Variants in LRRC4C observed in about 807,000 individuals in gnomAD.
LRRC4C encodes the protein leucine rich repeat containing 4C.
Under a neutral mutation model 33.6 loss-of-function variants are expected in LRRC4C, and 5 were observed. That is an observed-to-expected ratio of 0.15 (90% confidence interval 0.08 to 0.31). The LOEUF is 0.31. Among genes scored for constraint, LRRC4C ranks in the 10% least tolerant of loss-of-function variants. The pLI, the probability that LRRC4C is intolerant of heterozygous loss-of-function variation, is 1.00. For synonymous variants in LRRC4C, 329 were observed against 302.0 expected (o/e 1.09, Z -0.93); for missense variants, 560 against 796.7 (o/e 0.70, Z 3.58).
chr11:41,224,532 T>C (rs993801974), intron 1 of LRRC4C, among the ~76,000 whole-genome samples: 5 of 152,194 alleles, frequency 3.3e-5, no homozygotes, highest in African/African-American at 1.2e-4. Context: ...TTTGAATTCC[T>C]AAGGAAGTCA....
In LRRC4C at chr11:40,179,908, C is replaced by CGT. The variant is rs1334942118; in HGVS notation, c.-95-39057_-95-39056dup. Among the ~76,000 whole-genome samples, 17 of 152,200 alleles carry CGT rather than the reference C, an allele frequency of 1.1e-4. No individual in the cohort carries two copies. The East Asian group carries it at 2.9e-3, about 26-fold the overall frequency. ...TCTCCTTTCTGTCTCTCCCCATGTACGTGTGTGTGTGTCCAAACATATGTG... is the reference window on the plus strand; with the variant it reads ...TCTCCTTTCTGTCTCTCCCCATGTACGTGTGTGTGTGTGTCCAAACATATGTG... On this transcript the variant is annotated intron_variant, in intron 5 of 6. Coordinates refer to ENST00000528697, the MANE Select transcript of LRRC4C (RefSeq NM_001258419.2).
chr11:40,435,310 T>C (rs903372774), intron 3 of LRRC4C, among the ~76,000 whole-genome samples: 6 of 152,212 alleles, frequency 3.9e-5, no homozygotes, highest in East Asian at 1.9e-4. Context: ...TAAACTGTTA[T>C]AGCGCCAAAC....
At chr11:41,456,154 A>G (rs936682841) in intron 1 of LRRC4C, among the ~76,000 whole-genome samples, 1 of 152,082 alleles carries the variant, frequency 6.6e-6, no homozygotes, top group Non-Finnish European at 1.5e-5. Flanking sequence ...TTCTTCCAAG[A>G]TCCTTCATTT....
At chr11:41,301,739 G>A (rs1427405028) in intron 1 of LRRC4C, among the ~76,000 whole-genome samples, 1 of 152,106 alleles carries the variant, frequency 6.6e-6, no homozygotes, top group Non-Finnish European at 1.5e-5. Context: ...TTCATCAGAG[G>A]AGAGAGTTTT....
intron 4 of LRRC4C, among the ~76,000 whole-genome samples, chr11:40,249,086 T>C (rs2034636): frequency 0.86 from 131,427 of 152,202 alleles, 57,581 homozygotes; most frequent in South Asian, 0.97. Flanking sequence ...GCCTGTCATC[T>C]CAGCACTTTG....
At chr11:40,828,121 T>A (rs1357665796) in intron 2 of LRRC4C, among the ~76,000 whole-genome samples, 1 of 149,340 alleles carries the variant, frequency 6.7e-6, no homozygotes, top group Non-Finnish European at 1.5e-5. Flanking sequence ...ACGATATGTA[T>A]ACTGCCCTTT....
chr11:40,670,385 C>T (rs956955977), intron 2 of LRRC4C, among the ~76,000 whole-genome samples: 2 of 152,148 alleles, frequency 1.3e-5, no homozygotes, highest in Non-Finnish European at 2.9e-5. Flanking sequence ...TTTAAAATGT[C>T]CTTATGTAAA....
chr11:40,475,587 C>T (rs1333968768), intron 3 of LRRC4C, among the ~76,000 whole-genome samples: 2 of 152,006 alleles, frequency 1.3e-5, no homozygotes, highest in Non-Finnish European at 2.9e-5. Flanking sequence ...TATCCCAGAA[C>T]TTTAAGTATA....
intron 5 of LRRC4C, among the ~76,000 whole-genome samples, chr11:40,195,426 TG>T (rs1301506830): frequency 6.6e-6 from 1 of 151,922 alleles, no homozygotes; most frequent in African/African-American, 2.4e-5. Context: ...AAAAGCAAAA[TG>T]TAGGGGTTGA....
At chr11:40,883,914 A>G (rs200928808) in intron 2 of LRRC4C, among the ~76,000 whole-genome samples, 2 of 136,820 alleles carry the variant, frequency 1.5e-5, no homozygotes, top group Non-Finnish European at 3.2e-5. Context: ...TTTTAATTTT[A>G]CTTTAAGTTC....
At chr11:40,194,695 A>G (rs551553501) in intron 5 of LRRC4C, among the ~76,000 whole-genome samples, 27 of 152,122 alleles carry the variant, frequency 1.8e-4, no homozygotes, top group Non-Finnish European at 3.4e-4. Context: ...GGTGCAGCAA[A>G]CCACCACGGC....
At chr11:40,133,608 C>T (rs1856791569) in intron 6 of LRRC4C, among the ~76,000 whole-genome samples, 1 of 152,130 alleles carries the variant, frequency 6.6e-6, no homozygotes, top group Non-Finnish European at 1.5e-5. Flanking sequence ...AGTAACTTGC[C>T]ATCATTGATC....
Position 40,504,590 on chromosome 11 carries a change from T to C in LRRC4C, c.-270+143552A>G, listed in dbSNP as rs143651309. On this transcript the variant is annotated intron_variant, in intron 3 of 6. Coordinates refer to ENST00000528697, the MANE Select transcript of LRRC4C (RefSeq NM_001258419.2). ...ATGGCTTAAGACTCATGGATTTAAGTTGGGCAGAAATGATTAGCTTGGAGG... is the reference window on the plus strand; with the variant it reads ...ATGGCTTAAGACTCATGGATTTAAGCTGGGCAGAAATGATTAGCTTGGAGG... Among the ~76,000 whole-genome samples, 20 of 152,252 alleles carry C rather than the reference T, an allele frequency of 1.3e-4. No individual in the cohort carries two copies. The East Asian group carries it at 3.3e-3, about 25-fold the overall frequency.
At chr11:40,670,430 G>C (rs1944032133) in intron 2 of LRRC4C, among the ~76,000 whole-genome samples, 1 of 152,164 alleles carries the variant, frequency 6.6e-6, no homozygotes, top group African/African-American at 2.4e-5. Flanking sequence ...TTTCTAAAGA[G>C]AAGCATGTCT....
chr11:40,385,664 C>G (rs543926546), intron 3 of LRRC4C, among the ~76,000 whole-genome samples: 2 of 151,750 alleles, frequency 1.3e-5, no homozygotes, highest in Non-Finnish European at 2.9e-5. Context: ...GCCAAGAGAT[C>G]GAGACCATCC....
rs374625406 is a variant in LRRC4C, at chr11:40,947,759, C to T, written c.-495-14036G>A. 1.2e-4 allele frequency among the ~76,000 whole-genome samples: 19 copies of T among 152,094 alleles called. 2 individuals carry two copies. In the East Asian group the frequency reaches 1.6e-3, roughly 12 times the overall value. ...TCCGCAGCTCTCCCCTCTCTGATAT[C>T]CTTCTCCTGCAAACTCTAGCCCAGT... is the stretch of plus-strand genomic sequence containing the variant. On this transcript the variant is annotated intron_variant, in intron 1 of 6. Transcript: ENST00000528697.
chr11:40,492,363 T>A (rs1954204551), intron 3 of LRRC4C, among the ~76,000 whole-genome samples: 1 of 152,202 alleles, frequency 6.6e-6, no homozygotes, highest in Non-Finnish European at 1.5e-5. Context: ...TGAAAGACCA[T>A]TTTGCTTTCA....
chr11:41,436,668 CACTTCT>C (rs1156992232), intron 1 of LRRC4C, among the ~76,000 whole-genome samples: 7 of 152,316 alleles, frequency 4.6e-5, no homozygotes, highest in Non-Finnish European at 4.4e-5. Flanking sequence ...TCACAACATT[CACTTCT>C]ACTTCTGAAA....
chr11:40,733,959 G>C (rs1378612845), intron 2 of LRRC4C, among the ~76,000 whole-genome samples: 1 of 152,126 alleles, frequency 6.6e-6, no homozygotes, highest in African/African-American at 2.4e-5. Flanking sequence ...CTGGGAAAGA[G>C]GTACTATTAT....
Sources: gnomAD v4.1 joint callset for allele counts (sites outside exome capture counted in the v4.1 genomes callset) on GRCh38, gnomAD v4.1.1 for gene constraint, MANE v1.5 for transcripts, NCBI Gene and HGNC (gene_info 2026-07-23, HGNC 2026-07-21) for gene names.